The following NLRC5 variants were observed in gnomAD, a reference collection of about 807,000 sequenced individuals.
NLRC5 encodes the protein NLR family CARD domain containing 5, also known as protein NLRC5.
NLRC5 carries 114 observed loss-of-function variants against 206.9 expected under a neutral mutation model. The observed-to-expected ratio is 0.55, with a 90% CI of 0.47 to 0.64. The LOEUF (loss-of-function observed/expected upper bound fraction) is 0.64. Among genes scored for constraint, NLRC5 ranks in the 30% least tolerant of loss-of-function variants. The pLI is 0.00. For synonymous variants in NLRC5, 952 were observed against 962.8 expected (o/e 0.99, Z 0.21); for missense variants, 2,008 against 2,305.5 (o/e 0.87, Z 2.64).
At chr16:57,076,980 AC>A in intron 40 of NLRC5, 78 bp downstream of exon 40, 4 of 1,259,150 alleles carry the variant, frequency 3.2e-6, no homozygotes, top group Non-Finnish European at 4.6e-6. Context: ...CTACCTGAGC[AC>A]GCCCTTTGCT....
At chr16:57,051,785 A>G (rs376690529) in intron 24 of NLRC5, among the ~76,000 whole-genome samples, 164 bp downstream of exon 24, 1 of 123,358 alleles carries the variant, frequency 8.1e-6, no homozygotes, top group Non-Finnish European at 1.6e-5. Flanking sequence ...TTATCATTTT[A>G]CCTGGCACAA....
intron 1 of NLRC5, among the ~76,000 whole-genome samples, chr16:56,994,366 G>A (rs948958285): frequency 1.1e-4 from 16 of 152,158 alleles, no homozygotes; most frequent in Admixed American, 6.5e-4. Flanking sequence ...TGCAGACACC[G>A]GCTCTGGCTC....
At chr16:57,055,672 C>T (rs1415652641) in intron 27 of NLRC5, among the ~76,000 whole-genome samples, 153 bp downstream of exon 27, 2 of 152,190 alleles carry the variant, frequency 1.3e-5, no homozygotes, top group Non-Finnish European at 2.9e-5. Context: ...GTCACATACC[C>T]AAAGCTTCCC....
At chr16:57,014,283 G>A (rs987751922) in intron 1 of NLRC5, among the ~76,000 whole-genome samples, 2 of 152,138 alleles carry the variant, frequency 1.3e-5, no homozygotes, top group African/African-American at 2.4e-5. Context: ...TTAAATGAGT[G>A]TGAGGCTCAC....
At chr16:57,059,910 G>T (rs1183464961) in intron 30 of NLRC5, among the ~76,000 whole-genome samples, 1 of 152,110 alleles carries the variant, frequency 6.6e-6, no homozygotes, top group Non-Finnish European at 1.5e-5. Flanking sequence ...GTAAAATGGG[G>T]ATAATAACAC....
At chr16:57,056,650 T>A (rs1270607482) in intron 27 of NLRC5, among the ~76,000 whole-genome samples, 1 of 151,050 alleles carries the variant, frequency 6.6e-6, no homozygotes. Flanking sequence ...TAGAGGGAAA[T>A]TTTTCTTTTC....
intron 20 of NLRC5, 56 bp downstream of exon 20, chr16:57,043,660 C>A (rs1269381692): frequency 2.1e-6 from 3 of 1,418,632 alleles, no homozygotes; most frequent in Admixed American, 3.3e-5. Flanking sequence ...CACAGGTCAT[C>A]TGCTCCCACG....
intron 46 of NLRC5, 29 bp downstream of exon 46, chr16:57,079,658 C>T: frequency 1.2e-6 from 2 of 1,605,394 alleles, no homozygotes; most frequent in Non-Finnish European, 8.5e-7. Context: ...CCTGAGCTGG[C>T]TGGGAAAAGG....
intron 24 of NLRC5, among the ~76,000 whole-genome samples, chr16:57,054,503 C>T (rs1353194155): frequency 6.6e-6 from 1 of 152,152 alleles, no homozygotes. Flanking sequence ...TCTTGATTTC[C>T]AGATAAGGAA....
chr16:57,047,616 C>T lies in NLRC5; in HGVS notation c.3410C>T (p.Pro1137Leu), dbSNP rs1474845220. The T allele has an allele frequency of 6.2e-7, 1 of 1,613,042 alleles. No homozygotes were observed. Among genetic ancestry groups the T allele is most frequent in the Non-Finnish European group, 8.5e-7 (1 of 1,179,576 alleles). ...LCATLKDCPG[P>L]LELQLSCEFL... ...GCCACTCTGAAGGACTGCCCGGGAC[C>T]CCTGGAACTGCAGTAAGTAACGAGG... The change falls in exon 23 of 49, where the codon CCC (proline) becomes CTC (leucine). Residue 1137 changes from proline (P) to leucine (L), a missense_variant. Coordinates refer to ENST00000688547, the MANE Select transcript of NLRC5 (RefSeq NM_001384950.1).
chr16:57,082,726 G>C lies in NLRC5; in HGVS notation c.*198G>C. The C allele has an allele frequency of 3.7e-6, 2 of 543,882 alleles. No individual in the cohort carries two copies. The highest frequency in any genetic ancestry group is 5.2e-5 in the South Asian group (2 of 38,212). The allele number at this position is 543,882 out of a possible 1,614,324, so 33.7% of individuals were successfully genotyped here. A position where few individuals can be genotyped will look rare whatever the true frequency, so the allele number is the denominator to read the frequency against. Reference sequence around the variant, plus strand: ...GAACCAGGAGCTGGGTCTGGACAAAGGAGTACCCTGCATTACGTGGGATAT... The same window carrying C: ...GAACCAGGAGCTGGGTCTGGACAAACGAGTACCCTGCATTACGTGGGATAT... On this transcript the variant is annotated 3_prime_UTR_variant, in exon 49 of 49. Transcript: ENST00000688547.
At chr16:57,070,450 A>T in intron 37 of NLRC5, 85 bp from the exon 38 acceptor site, 1 of 1,215,110 alleles carries the variant, frequency 8.2e-7, no homozygotes, top group Non-Finnish European at 1.2e-6. Context: ...CAGGGGACAG[A>T]GCAGGAGAGG....
chr16:57,070,036 CT>C, intron 37 of NLRC5, 117 bp downstream of exon 37: 1 of 784,642 alleles, frequency 1.3e-6, no homozygotes, highest in Non-Finnish European at 2.1e-6. Flanking sequence ...GACCCTTCCC[CT>C]GATGAAGTGC....
rs776797499 is a variant in NLRC5, at chr16:57,026,720, G to A, written c.1777G>A (p.Ala593Thr). ...GNEDCVGAKQ[A>T]AVVQVLKKLA... ...TGAGGACTGTGTGGGTGCCAAGCAG[G>A]CTGCTGTAGTGCAGGTGTTGAAGAA... The change falls in exon 6 of 49, where the codon GCT becomes ACT. Residue 593 changes from alanine (A) to threonine (T), a missense_variant. Ala to Thr is a moderately conservative substitution (Grantham distance 58). Transcript: ENST00000688547. 1.9e-6 allele frequency: 3 copies of A among 1,614,044 alleles called. No individual in the cohort carries two copies. Among genetic ancestry groups the A allele is most frequent in the South Asian group, 1.1e-5 (1 of 91,088 alleles).
intron 32 of NLRC5, chr16:57,062,452 C>T (rs2066635061): frequency 7.8e-6 from 2 of 256,150 alleles, no homozygotes; most frequent in Non-Finnish European, 7.7e-6. Flanking sequence ...GGCATCACTG[C>T]CCCCATCCCC....
intron 1 of NLRC5, among the ~76,000 whole-genome samples, chr16:56,991,736 T>C (rs1238616581): frequency 6.9e-6 from 1 of 145,520 alleles, no homozygotes; most frequent in African/African-American, 2.5e-5. Context: ...TGGCCTCAAG[T>C]GATCAGTCTG....
chr16:57,063,137 A>C, intron 32 of NLRC5, among the ~76,000 whole-genome samples: 1 of 117,710 alleles, frequency 8.5e-6, no homozygotes, highest in African/African-American at 3.5e-5. Flanking sequence ...TTTGAGACAG[A>C]GTCTCACTCT....
chr16:57,080,941 G>T (rs567516715), intron 46 of NLRC5, 157 bp from the exon 47 acceptor site: 1 of 600,264 alleles, frequency 1.7e-6, no homozygotes, highest in South Asian at 2.0e-5. Context: ...GCACCCTGAC[G>T]TCTTCAGGGG....
intron 1 of NLRC5, among the ~76,000 whole-genome samples, chr16:57,002,491 T>C (rs1382369111): frequency 6.6e-6 from 1 of 152,160 alleles, no homozygotes; most frequent in African/African-American, 2.4e-5. Context: ...AACACTTAGA[T>C]TAATTCCAAA....
Sources: gnomAD v4.1 joint callset for allele counts (sites outside exome capture counted in the v4.1 genomes callset) on GRCh38, gnomAD v4.1.1 for gene constraint, MANE v1.5 for transcripts, NCBI Gene and HGNC (gene_info 2026-07-23, HGNC 2026-07-21) for gene names.